CACNB2: variants seen among roughly 807,000 people sequenced by gnomAD.
The protein encoded by CACNB2 is voltage-dependent L-type calcium channel subunit beta-2.
Under a neutral mutation model 73.3 loss-of-function variants are expected in CACNB2, and 42 were observed. The observed-to-expected ratio is 0.57, with a 90% CI of 0.45 to 0.74. CACNB2 has a LOEUF of 0.74. Among genes scored for constraint, CACNB2 ranks in the 30% least tolerant of loss-of-function variants. The probability of loss-of-function intolerance (pLI) is 0.00; values close to 1 mark genes in which losing one functional copy is unlikely to be tolerated. For synonymous variants in CACNB2, 348 were observed against 310.3 expected, an observed-to-expected ratio of 1.12 and a Z score of -1.28; for missense variants, 940 against 853.0, an observed-to-expected ratio of 1.10 and a Z score of -1.27.
intron 2 of CACNB2, among the ~76,000 whole-genome samples, chr10:18,171,884 C>T (rs1319767467): frequency 6.6e-6 from 1 of 152,028 alleles, no homozygotes; most frequent in Non-Finnish European, 1.5e-5. Flanking sequence ...TCAGTGTCTG[C>T]CCCTCACCTC....
chr10:18,186,630 G>C (rs894375346), intron 2 of CACNB2, among the ~76,000 whole-genome samples: 1 of 152,060 alleles, frequency 6.6e-6, no homozygotes, highest in African/African-American at 2.4e-5. Flanking sequence ...AAGCAAGAGA[G>C]GGTGGAGGGA....
At chr10:18,411,506 A>ATTT (rs72400253) in intron 3 of CACNB2, among the ~76,000 whole-genome samples, 22 of 125,686 alleles carry the variant, frequency 1.8e-4, no homozygotes, top group African/African-American at 2.3e-4. Flanking sequence ...GTCTTTGAGC[A>ATTT]TTTTTTTTTT....
intron 2 of CACNB2, among the ~76,000 whole-genome samples, chr10:18,290,883 A>G (rs2039036724): frequency 6.6e-6 from 1 of 152,198 alleles, no homozygotes; most frequent in Non-Finnish European, 1.5e-5. Flanking sequence ...ACAGGAGGTA[A>G]AAGGAGAGGA....
chr10:18,473,931 C>T lies in CACNB2; in HGVS notation c.334-24424C>T, dbSNP rs534849769. Among the ~76,000 whole-genome samples, 300 of 152,298 alleles carry T rather than the reference C, an allele frequency of 2.0e-3. 1 individual carries two copies. Among genetic ancestry groups the T allele is most frequent in the Non-Finnish European group, 3.8e-3 (260 of 68,036 alleles). ...GCTAGAAGCTGCAGGTGCAGCTCCC[C>T]GCCACGCTGCTCTCTGTGACCTTGA... On this transcript the variant is annotated intron_variant, in intron 3 of 13. Coordinates refer to ENST00000324631, the MANE Select transcript of CACNB2 (RefSeq NM_201596.3).
intron 2 of CACNB2, among the ~76,000 whole-genome samples, chr10:18,259,571 A>AAAAAAAAAGAAAACG (rs2037441024): frequency 9.1e-6 from 1 of 110,338 alleles, no homozygotes; most frequent in African/African-American, 3.5e-5. Context: ...AAACAAAAAA[A>AAAAAAAAAGAAAACG]AAAAGTAAAA....
At chr10:18,424,327 G>C (rs1358991953) in intron 3 of CACNB2, among the ~76,000 whole-genome samples, 1 of 152,084 alleles carries the variant, frequency 6.6e-6, no homozygotes, top group Non-Finnish European at 1.5e-5. Flanking sequence ...GAGTTTTGCA[G>C]TCGTATTCAT....
intron 2 of CACNB2, among the ~76,000 whole-genome samples, chr10:18,387,039 T>C (rs1452830202): frequency 6.6e-6 from 1 of 152,202 alleles, no homozygotes; most frequent in Non-Finnish European, 1.5e-5. Flanking sequence ...ATACTTCTGG[T>C]ATAAACTGAA....
chr10:18,267,476 G>A (rs1035594544), intron 2 of CACNB2, among the ~76,000 whole-genome samples: 1 of 151,884 alleles, frequency 6.6e-6, no homozygotes, highest in Admixed American at 6.6e-5. Flanking sequence ...TGTGGTGGCG[G>A]GCACCTGTAA....
chr10:18,536,253 T>C (rs925233522), intron 12 of CACNB2, 57 bp downstream of exon 12: 2 of 613,264 alleles, frequency 3.3e-6, no homozygotes, highest in Non-Finnish European at 5.2e-6. Context: ...CTTTTTTTTT[T>C]TTTTTTTTTT....
intron 7 of CACNB2, among the ~76,000 whole-genome samples, chr10:18,516,942 C>T (rs1405311574): frequency 6.6e-6 from 1 of 152,036 alleles, no homozygotes; most frequent in East Asian, 1.9e-4. Context: ...TTTCTTCCCT[C>T]TGATTATATC....
At chr10:18,270,561 C>G (rs1007547816) in intron 2 of CACNB2, among the ~76,000 whole-genome samples, 6 of 152,158 alleles carry the variant, frequency 3.9e-5, no homozygotes, top group African/African-American at 1.4e-4. Flanking sequence ...CTATGAGACA[C>G]TTCTTGATCA....
At chr10:18,197,022 C>T (rs1026876043) in intron 2 of CACNB2, among the ~76,000 whole-genome samples, 1 of 149,990 alleles carries the variant, frequency 6.7e-6, no homozygotes, top group Non-Finnish European at 1.5e-5. Flanking sequence ...CTCTCCTTTT[C>T]TCTTCTTCTC....
chr10:18,260,556 A>G, intron 2 of CACNB2: 2 of 985,978 alleles, frequency 2.0e-6, no homozygotes, highest in Non-Finnish European at 2.4e-6. Context: ...AGGACAAAGC[A>G]TCTGACGGTT....
chr10:18,383,907 T>G (rs999923957), intron 2 of CACNB2, among the ~76,000 whole-genome samples: 6 of 152,002 alleles, frequency 3.9e-5, no homozygotes, highest in African/African-American at 1.4e-4. Context: ...GATTTCACTA[T>G]GTTGGTCAAG....
intron 5 of CACNB2, among the ~76,000 whole-genome samples, chr10:18,505,067 C>T (rs372149414): frequency 3.5e-4 from 53 of 152,172 alleles, no homozygotes; most frequent in Middle Eastern, 3.4e-3. Flanking sequence ...ATTGGGGTAC[C>T]GTTCAAGAAC....
chr10:18,454,991 A>G (rs969899375), intron 3 of CACNB2, among the ~76,000 whole-genome samples: 1 of 151,376 alleles, frequency 6.6e-6, no homozygotes, highest in Non-Finnish European at 1.5e-5. Context: ...GCAGTGAGCT[A>G]TGACTGTGCC....
rs1178558183 is a variant in CACNB2, at chr10:18,539,435, C to T, written c.1694C>T (p.Ser565Phe). The change falls in exon 14 of 14, where the codon TCT becomes TTT. Residue 565 changes from serine (S) to phenylalanine (F), a missense_variant. By Grantham distance (155) the Ser-to-Phe change is radical. Coordinates refer to ENST00000324631, the MANE Select transcript of CACNB2 (RefSeq NM_201596.3). The stretch of plus-strand genomic sequence containing the variant: ...TCGGAAACCCAGGAGAGTCGAGACT[C>T]TGCCTACGTAGAGCCAAAGGAAGAT... Reference protein sequence around the residue: ...FDSETQESRDSAYVEPKEDYS... With the variant: ...FDSETQESRDFAYVEPKEDYS... The T allele has an allele frequency of 1.9e-6, 3 of 1,614,090 alleles. No individual in the cohort carries two copies. The highest frequency in any genetic ancestry group is 2.5e-6 in the Non-Finnish European group (3 of 1,180,010).
chr10:18,517,617 A>G (rs2051409775), intron 7 of CACNB2, among the ~76,000 whole-genome samples: 1 of 152,196 alleles, frequency 6.6e-6, no homozygotes, highest in African/African-American at 2.4e-5. Context: ...TTATACATTA[A>G]TCACCTTCCC....
intron 2 of CACNB2, among the ~76,000 whole-genome samples, chr10:18,196,248 A>G (rs73595504): frequency 0.068 from 10,313 of 151,548 alleles, 1,021 homozygotes; most frequent in African/African-American, 0.23. Flanking sequence ...AACCGACACT[A>G]CTAAGCTGTT....
Sources: allele counts gnomAD v4.1 joint callset (sites outside exome capture counted in the v4.1 genomes callset), GRCh38; gene constraint gnomAD v4.1.1; transcripts MANE v1.5; gene names NCBI Gene and HGNC (gene_info 2026-07-23, HGNC 2026-07-21).